Variants in MCF2L2 observed in about 807,000 individuals in gnomAD.
MCF2L2 encodes MCF.2 cell line derived transforming sequence-like 2, also known as probable guanine nucleotide exchange factor MCF2L2.
In MCF2L2, 102 loss-of-function variants were observed where a neutral mutation model predicts 150.2. The observed-to-expected ratio is 0.68, with a 90% CI of 0.58 to 0.80. The LOEUF is 0.80. Among genes scored for constraint, MCF2L2 ranks in the 30% least tolerant of loss-of-function variants. The pLI, the probability that MCF2L2 is intolerant of heterozygous loss-of-function variation, is 0.00. For missense variants in MCF2L2, 1,256 were observed against 1,372.8 expected, an observed-to-expected ratio of 0.91 and a Z score of 1.34; for synonymous variants, 465 against 491.3, an observed-to-expected ratio of 0.95 and a Z score of 0.71.
intron 5 of MCF2L2, among the ~76,000 whole-genome samples, chr3:183,325,878 G>A (rs1223124332): frequency 1.3e-5 from 2 of 152,116 alleles, no homozygotes; most frequent in Non-Finnish European, 2.9e-5. Context: ...TATATTAGAA[G>A]AGTTAATACT....
At chr3:183,192,681 G>A (rs761173213) in intron 27 of MCF2L2, 19 of 259,484 alleles carry the variant, frequency 7.3e-5, no homozygotes, top group Non-Finnish European at 1.4e-4. Flanking sequence ...GTTTATTTCT[G>A]TAATTTTTCC....
intron 10 of MCF2L2, 108 bp downstream of exon 10, chr3:183,309,608 G>T: frequency 1.4e-6 from 2 of 1,413,240 alleles, no homozygotes; most frequent in Non-Finnish European, 9.9e-7. Context: ...GGGCAGGACT[G>T]GGCATTCCTG....
chr3:183,401,046 T>A (rs1344055758), intron 1 of MCF2L2, among the ~76,000 whole-genome samples: 13 of 152,134 alleles, frequency 8.5e-5, no homozygotes. Context: ...GAGCGCCTCC[T>A]GAACGACTCC....
At chr3:183,355,104 T>G (rs2108557833) in intron 3 of MCF2L2, among the ~76,000 whole-genome samples, 1 of 151,120 alleles carries the variant, frequency 6.6e-6, no homozygotes, top group East Asian at 1.9e-4. Context: ...TTATTTTATT[T>G]TCATAAGTCT....
At chr3:183,246,866 A>G (rs1724280633) in intron 15 of MCF2L2, among the ~76,000 whole-genome samples, 1 of 152,164 alleles carries the variant, frequency 6.6e-6, no homozygotes, top group East Asian at 1.9e-4. Context: ...CTTTTTTTAA[A>G]AAAACGTAAT....
chr3:183,304,765 C>T (rs762347941), intron 10 of MCF2L2, among the ~76,000 whole-genome samples: 29 of 152,180 alleles, frequency 1.9e-4, no homozygotes, highest in Middle Eastern at 3.4e-3. Context: ...TGAGCCACCG[C>T]GCCTGGTCTG....
intron 3 of MCF2L2, among the ~76,000 whole-genome samples, chr3:183,346,171 A>C (rs1457101256): frequency 6.6e-6 from 1 of 152,206 alleles, no homozygotes; most frequent in South Asian, 2.1e-4. Flanking sequence ...AAAATCCTCA[A>C]TACAACACTG....
Position 183,207,608 on chromosome 3 carries a change from C to A in MCF2L2, c.2712G>T (p.Lys904Asn). 6.2e-7 allele frequency: 1 copy of A among 1,611,398 alleles called. No individual in the cohort carries two copies. The highest frequency in any genetic ancestry group is 2.2e-5 in the East Asian group (1 of 44,870). The change falls in exon 23 of 30, where the codon AAG becomes AAT. Residue 904 changes from lysine to asparagine, a missense_variant and splice_region_variant. Physicochemically the swap from Lys to Asn is moderately conservative, Grantham distance 94. Coordinates refer to ENST00000328913, the MANE Select transcript of MCF2L2 (RefSeq NM_015078.4). ...SPHYSFKKTMKLMTLSIRQLG... is the reference protein window; with the variant it reads ...SPHYSFKKTMNLMTLSIRQLG... ...CCAGATGCAATAGGACTCCCTTTAC[C>A]TTCATGGTCTTCTTGAAGCTGTAAT... is the stretch of plus-strand genomic sequence containing the variant.
intron 2 of MCF2L2, among the ~76,000 whole-genome samples, chr3:183,384,347 C>T (rs561182253): frequency 1.4e-3 from 210 of 152,280 alleles, no homozygotes; most frequent in Non-Finnish European, 2.5e-3. Context: ...GATTAGATTG[C>T]CTTTGTAGGA....
intron 1 of MCF2L2, among the ~76,000 whole-genome samples, chr3:183,416,234 A>G (rs904686653): frequency 6.7e-6 from 1 of 148,744 alleles, no homozygotes; most frequent in African/African-American, 2.5e-5. Flanking sequence ...TATAATTACT[A>G]TGTTATATAA....
chr3:183,307,673 T>C (rs371770723), intron 10 of MCF2L2, among the ~76,000 whole-genome samples: 11 of 152,340 alleles, frequency 7.2e-5, no homozygotes, highest in East Asian at 5.8e-4. Flanking sequence ...TTCAAGGAAG[T>C]GGGCAGAAGA....
intron 6 of MCF2L2, among the ~76,000 whole-genome samples, chr3:183,319,275 G>A (rs1241011480): frequency 6.6e-6 from 1 of 152,196 alleles, no homozygotes; most frequent in Non-Finnish European, 1.5e-5. Context: ...GCTTTATCAT[G>A]AGGTTGCAGC....
intron 22 of MCF2L2, among the ~76,000 whole-genome samples, chr3:183,215,253 A>AT (rs903135106): frequency 6.6e-6 from 1 of 152,212 alleles, no homozygotes; most frequent in Non-Finnish European, 1.5e-5. Context: ...CACCAAGCTT[A>AT]TGGTAATTTA....
intron 15 of MCF2L2, among the ~76,000 whole-genome samples, chr3:183,242,893 G>A (rs574047416): frequency 2.0e-5 from 3 of 152,230 alleles, no homozygotes; most frequent in Non-Finnish European, 4.4e-5. Context: ...GGGCAGAGTT[G>A]CCCAAGGCTG....
chr3:183,388,587 C>G (rs1388577766), intron 2 of MCF2L2, among the ~76,000 whole-genome samples: 1 of 152,160 alleles, frequency 6.6e-6, no homozygotes, highest in African/African-American at 2.4e-5. Context: ...GTTCCAGTCT[C>G]TGATCTAAGC....
chr3:183,357,300 T>G (rs1711845369), intron 3 of MCF2L2, among the ~76,000 whole-genome samples: 1 of 152,160 alleles, frequency 6.6e-6, no homozygotes, highest in Admixed American at 6.5e-5. Context: ...AGCAAGATAC[T>G]AATTTTCAAC....
chr3:183,340,171 G>A (rs1440500438), intron 4 of MCF2L2, among the ~76,000 whole-genome samples: 5 of 152,318 alleles, frequency 3.3e-5, no homozygotes, highest in African/African-American at 1.2e-4. Context: ...GAAGAACCTT[G>A]CGCTTTGTTG....
At chr3:183,238,448 C>T (rs1723842989) in intron 15 of MCF2L2, among the ~76,000 whole-genome samples, 1 of 151,830 alleles carries the variant, frequency 6.6e-6, no homozygotes, top group South Asian at 2.1e-4. Flanking sequence ...GCGTGCGCCA[C>T]CATGCCCAGC....
At chr3:183,313,396 G>C (rs948499071) in intron 7 of MCF2L2, among the ~76,000 whole-genome samples, 2 of 152,226 alleles carry the variant, frequency 1.3e-5, no homozygotes, top group Non-Finnish European at 2.9e-5. Flanking sequence ...CATGAATGAG[G>C]AAAGTGTGTG....
Sources: gnomAD v4.1 joint callset for allele counts (sites outside exome capture counted in the v4.1 genomes callset) on GRCh38, gnomAD v4.1.1 for gene constraint, MANE v1.5 for transcripts, NCBI Gene and HGNC (gene_info 2026-07-23, HGNC 2026-07-21) for gene names.